DNAI4: variants seen among roughly 807,000 people sequenced by gnomAD.
The protein encoded by DNAI4 is dynein axonemal intermediate chain 4.
In DNAI4, 85 loss-of-function variants were observed where a neutral mutation model predicts 105.8. That is an observed-to-expected ratio of 0.80 (90% CI 0.67 to 0.96). The LOEUF (loss-of-function observed/expected upper bound fraction) is 0.96. Ranked by LOEUF, DNAI4 falls within the 40% of genes least tolerant of loss-of-function variation. The pLI is 0.00. For missense variants in DNAI4, 1,014 were observed against 1,005.6 expected (o/e 1.01, Z -0.11); for synonymous variants, 352 against 331.5 (o/e 1.06, Z -0.67).
rs572525205 is a variant in DNAI4 at position 66,906,071 on chromosome 1, G to A, written c.171-696C>T. Among the ~76,000 whole-genome samples the A allele has an allele frequency of 4.6e-5, 7 of 151,840 alleles. No homozygotes were observed. The South Asian group carries it at 1.5e-3, about 32-fold the overall frequency. On this transcript the variant is annotated intron_variant, in intron 1 of 16. Transcript: ENST00000371026. ...CCCAAGTAGCTGGGACTACAGGTGT[G>A]CACCACCATGCCTGGCTAATTTTTG...
rs577134212 is a variant in DNAI4, at chr1:66,874,557, C to T, written c.800+224G>A. Among the ~76,000 whole-genome samples the T allele has an allele frequency of 2.0e-5, 3 of 152,176 alleles. No homozygotes were observed. The South Asian group carries it at 6.2e-4, about 32-fold the overall frequency. On this transcript the variant is annotated intron_variant, in intron 5 of 16. Transcript: ENST00000371026. ...TTTAAAAATATGGTAAAGCTATGGGCTCTTCCTCTAGAAAAATTTACACAC... is the reference window on the plus strand; with the variant it reads ...TTTAAAAATATGGTAAAGCTATGGGTTCTTCCTCTAGAAAAATTTACACAC...
Position 66,871,393 on chromosome 1 carries a change from T to C in DNAI4, c.917A>G (p.Asp306Gly). 6.2e-7 allele frequency: 1 copy of C among 1,609,602 alleles called. No homozygotes were observed. The highest frequency in any genetic ancestry group is 8.5e-7 in the Non-Finnish European group (1 of 1,177,670). The change falls in exon 6 of 17, where the codon GAT (aspartate) becomes GGT (glycine). Residue 306 changes from aspartate (D) to glycine (G), a missense_variant. By Grantham distance (94) the Asp-to-Gly change is moderately conservative. Transcript: ENST00000371026. ...ACCTTTATCTTCCATTATGATTTTA[T>C]CACATTGAACATCTTTATTCTTTGG... is the stretch of plus-strand genomic sequence containing the variant. Reference protein sequence around the residue: ...GAPKNKDVQCDKIIMEDKGIM... With the variant: ...GAPKNKDVQCGKIIMEDKGIM...
intron 4 of DNAI4, among the ~76,000 whole-genome samples, chr1:66,878,203 C>T (rs1000950244): frequency 4.6e-5 from 7 of 152,082 alleles, no homozygotes; most frequent in East Asian, 1.9e-4. Flanking sequence ...TGAACTCATG[C>T]GTATTTATTT....
At chr1:66,871,316 CA>C in intron 6 of DNAI4, 53 bp downstream of exon 6, 1 of 1,495,744 alleles carries the variant, frequency 6.7e-7, no homozygotes. Context: ...TTGACAGACT[CA>C]AAAAATGTAT....
chr1:66,820,286 A>T (rs1645598669), intron 16 of DNAI4, among the ~76,000 whole-genome samples: 1 of 152,178 alleles, frequency 6.6e-6, no homozygotes, highest in African/African-American at 2.4e-5. Context: ...CAGGTAAGTA[A>T]AAAGAAAAAC....
chr1:66,893,085 G>GAA (rs1207596339), intron 3 of DNAI4, 144 bp downstream of exon 3: 46 of 396,730 alleles, frequency 1.2e-4, no homozygotes, highest in Admixed American at 1.3e-4. Context: ...AAGAAAGAAA[G>GAA]AAAGAAAGAA....
At chr1:66,837,482 G>C in intron 10 of DNAI4, 1 of 479,120 alleles carries the variant, frequency 2.1e-6, no homozygotes, top group Admixed American at 4.0e-5. Flanking sequence ...ATATATAACA[G>C]CATATAGTAC....
chr1:66,827,654 C>G (rs1645783416), intron 14 of DNAI4, among the ~76,000 whole-genome samples, 158 bp downstream of exon 14: 1 of 152,134 alleles, frequency 6.6e-6, no homozygotes, highest in African/African-American at 2.4e-5. Context: ...ATGCCCCGTA[C>G]ATTATTGGTG....
intron 1 of DNAI4, among the ~76,000 whole-genome samples, chr1:66,909,552 G>A (rs1418336291): frequency 6.7e-6 from 1 of 148,272 alleles, no homozygotes; most frequent in South Asian, 2.1e-4. Context: ...TCCCTTTTCT[G>A]TGGCAATCAT....
intron 4 of DNAI4, among the ~76,000 whole-genome samples, chr1:66,877,247 G>A (rs1314790291): frequency 1.3e-5 from 2 of 152,130 alleles, no homozygotes; most frequent in African/African-American, 4.8e-5. Context: ...CTTGTCAAAA[G>A]TATCTATTAG....
At chr1:66,844,084 CAAAAAAAAAAAAAAA>C (rs55925419) in intron 8 of DNAI4, among the ~76,000 whole-genome samples, 1 of 66,358 alleles carries the variant, frequency 1.5e-5, no homozygotes, top group South Asian at 6.3e-4. Flanking sequence ...ACTGGAGATT[CAAAAAAAAAAAAAAA>C]AAAAAAAACT....
rs2985815 is a variant in DNAI4 at position 66,919,800 on chromosome 1, C to T, written c.170+4862G>A. On this transcript the variant is annotated intron_variant, in intron 1 of 16. Transcript: ENST00000371026. ...GGAATGGAAATACCCAACTCTGGCCCCCAACAGCCATCTTTTCACCCCAAA... is the reference window on the plus strand; with the variant it reads ...GGAATGGAAATACCCAACTCTGGCCTCCAACAGCCATCTTTTCACCCCAAA... Among the ~76,000 whole-genome samples the T allele has an allele frequency of 4.4e-3, 673 of 152,290 alleles. 5 individuals carry two copies. Among genetic ancestry groups the T allele is most frequent in the African/African-American group, 0.015 (643 of 41,562 alleles).
At chr1:66,913,613 A>G (rs1430312236) in intron 1 of DNAI4, among the ~76,000 whole-genome samples, 2 of 152,126 alleles carry the variant, frequency 1.3e-5, no homozygotes, top group Admixed American at 6.5e-5. Context: ...CAGGAAATAT[A>G]TATAAGGGCT....
chr1:66,849,652 C>T (rs1336643192), intron 7 of DNAI4, among the ~76,000 whole-genome samples: 1 of 152,022 alleles, frequency 6.6e-6, no homozygotes, highest in Non-Finnish European at 1.5e-5. Flanking sequence ...TATGAACACA[C>T]TTGAAACAAA....
chr1:66,828,809 T>A (rs180831333), intron 13 of DNAI4, among the ~76,000 whole-genome samples: 41 of 152,344 alleles, frequency 2.7e-4, no homozygotes, highest in African/African-American at 9.4e-4. Context: ...TACCTTAAGG[T>A]CCTAGAGATA....
intron 8 of DNAI4, among the ~76,000 whole-genome samples, chr1:66,846,631 G>T (rs957390031): frequency 6.6e-6 from 1 of 152,182 alleles, no homozygotes; most frequent in Non-Finnish European, 1.5e-5. Flanking sequence ...TCTTTTGAAT[G>T]ATACACTTTG....
intron 14 of DNAI4, 100 bp downstream of exon 14, chr1:66,827,712 G>A: frequency 1.7e-6 from 1 of 575,366 alleles, no homozygotes; most frequent in Non-Finnish European, 2.8e-6. Context: ...TTTTAACTCT[G>A]AAGTTGTAAA....
chr1:66,824,722 G>T (rs1270047419), intron 15 of DNAI4, among the ~76,000 whole-genome samples: 2 of 152,062 alleles, frequency 1.3e-5, no homozygotes, highest in Non-Finnish European at 2.9e-5. Context: ...TCTGTTGTTG[G>T]TGTATAAGAA....
At chr1:66,884,811 C>T (rs772696733) in intron 4 of DNAI4, among the ~76,000 whole-genome samples, 20 of 152,188 alleles carry the variant, frequency 1.3e-4, no homozygotes, top group Non-Finnish European at 2.4e-4. Flanking sequence ...AGCGTAATTG[C>T]TTAGCCAAGG....
Sources: gnomAD v4.1 joint callset for allele counts (sites outside exome capture counted in the v4.1 genomes callset) on GRCh38, gnomAD v4.1.1 for gene constraint, MANE v1.5 for transcripts, NCBI Gene and HGNC (gene_info 2026-07-23, HGNC 2026-07-21) for gene names.